FBXO34: variants seen among roughly 807,000 people sequenced by gnomAD.
The protein encoded by FBXO34 is F-box only protein 34.
A neutral mutation model predicts 24.5 loss-of-function variants in FBXO34; 12 were observed. That is an observed-to-expected ratio of 0.49 (90% confidence interval 0.31 to 0.79). The LOEUF (loss-of-function observed/expected upper bound fraction) is 0.79. Ranked by LOEUF, FBXO34 falls within the 30% of genes least tolerant of loss-of-function variation. The pLI is 0.04. For synonymous variants in FBXO34, 320 were observed against 311.9 expected, an observed-to-expected ratio of 1.03 and a Z score of -0.27; for missense variants, 823 against 857.7, an observed-to-expected ratio of 0.96 and a Z score of 0.51.
At chr14:55,411,964 G>A in the FBXO34 span, 1 of 746,172 alleles carries the variant, frequency 1.3e-6, no homozygotes. Flanking sequence ...TCCTGTCCCG[G>A]GCACTGTTGT....
At chr14:55,439,793 T>C in the FBXO34 span, among the ~76,000 whole-genome samples, 3 of 151,146 alleles carry the variant, frequency 2.0e-5, no homozygotes, top group Non-Finnish European at 4.4e-5. Context: ...TAGCCGGGCG[T>C]AGTGGCGGGC....
chr14:55,439,930 C>CAAAA, the FBXO34 span, among the ~76,000 whole-genome samples: 21 of 39,178 alleles, frequency 5.4e-4, no homozygotes, highest in Non-Finnish European at 7.1e-4. Context: ...GACTCTGTCT[C>CAAAA]AAAAAAAAAA....
At position 55,280,963 on chromosome 14, in the gene FBXO34, A is replaced by G. The variant is rs1433853935; in HGVS notation, c.-11+9426A>G. On this transcript the variant is annotated intron_variant, in intron 1 of 1. Transcript: ENST00000313833. ...TTACCATTTTCTAGTTAGCCACATTAAAAAAGGAAAAAGAAACAGGTGAAA... is the reference window on the plus strand; with the variant it reads ...TTACCATTTTCTAGTTAGCCACATTGAAAAAGGAAAAAGAAACAGGTGAAA... Among the ~76,000 whole-genome samples the G allele has an allele frequency of 8.8e-4, 134 of 152,182 alleles. 1 individual carries two copies. Among genetic ancestry groups the G allele is most frequent in the Admixed American group, 8.7e-3 (133 of 15,266 alleles).
chr14:55,425,346 C>G, the FBXO34 span, among the ~76,000 whole-genome samples: 1 of 152,094 alleles, frequency 6.6e-6, no homozygotes, highest in African/African-American at 2.4e-5. Context: ...AGATCCAGGC[C>G]AAGAAAATGA....
the FBXO34 span, among the ~76,000 whole-genome samples, chr14:55,402,837 T>G: frequency 0.49 from 62,151 of 126,430 alleles, 15,923 homozygotes; most frequent in African/African-American, 0.66. Context: ...GAGGCAGGAA[T>G]ATTATTTGAA....
chr14:55,315,885 C>T (rs1251983675), intron 1 of FBXO34, among the ~76,000 whole-genome samples: 1 of 152,190 alleles, frequency 6.6e-6, no homozygotes, highest in African/African-American at 2.4e-5. Flanking sequence ...TGCAATCTGG[C>T]AACTACTTTT....
At chr14:55,326,566 G>A (rs982109387) in intron 1 of FBXO34, among the ~76,000 whole-genome samples, 2 of 152,184 alleles carry the variant, frequency 1.3e-5, no homozygotes, top group Non-Finnish European at 2.9e-5. Context: ...CAAGATGTGA[G>A]ACTTGCTGTC....
intron 1 of FBXO34, among the ~76,000 whole-genome samples, chr14:55,314,002 A>G (rs1415168603): frequency 6.6e-6 from 1 of 152,156 alleles, no homozygotes; most frequent in Non-Finnish European, 1.5e-5. Flanking sequence ...TTCCTGGCTC[A>G]AAGTGATCCT....
At chr14:55,295,403 TTTTTTTTG>T (rs1882087002) in intron 1 of FBXO34, among the ~76,000 whole-genome samples, 1 of 145,360 alleles carries the variant, frequency 6.9e-6, no homozygotes, top group Non-Finnish European at 1.5e-5. Flanking sequence ...TTTTTTTTTT[TTTTTTTTG>T]GAGACAGAGT....
chr14:55,329,201 A>C (rs1883453489), intron 1 of FBXO34, among the ~76,000 whole-genome samples: 1 of 144,370 alleles, frequency 6.9e-6, no homozygotes, highest in South Asian at 2.2e-4. Context: ...CCCAGTCTTA[A>C]AATTGTTTCA....
chr14:55,300,145 G>GTT (rs138977844), intron 1 of FBXO34, among the ~76,000 whole-genome samples: 56,421 of 151,814 alleles, frequency 0.37, 11,042 homozygotes, highest in Non-Finnish European at 0.42. Context: ...AGATGTCATA[G>GTT]TTTTAGTAAT....
chr14:55,328,363 C>G (rs1489413502), intron 1 of FBXO34, among the ~76,000 whole-genome samples: 1 of 152,152 alleles, frequency 6.6e-6, no homozygotes, highest in Non-Finnish European at 1.5e-5. Context: ...ACTACTCTTG[C>G]GCTTTAGGGC....
In FBXO34 at chr14:55,307,339, C is replaced by T. The variant is rs1882586160; in HGVS notation, c.-11+35802C>T. On this transcript the variant is annotated intron_variant, in intron 1 of 1. Coordinates refer to ENST00000313833, the MANE Select transcript of FBXO34 (RefSeq NM_017943.4). ...TGTGTTTGCATATTTGTCACTGCAACTTTAAGCGGACCTCTTTGAATTCTT... is the reference window on the plus strand; with the variant it reads ...TGTGTTTGCATATTTGTCACTGCAATTTTAAGCGGACCTCTTTGAATTCTT... 3.3e-5 allele frequency among the ~76,000 whole-genome samples: 5 copies of T among 152,308 alleles called. No homozygotes were observed. In the South Asian group the frequency reaches 1.0e-3, roughly 32 times the overall value.
intron 1 of FBXO34, among the ~76,000 whole-genome samples, chr14:55,276,638 C>T (rs72715748): frequency 1.3e-5 from 2 of 151,446 alleles, no homozygotes; most frequent in Admixed American, 6.6e-5. Context: ...GTTGAGGAAG[C>T]GGGGGGGTCT....
chr14:55,370,036 C>T (rs1884779497), downstream of FBXO34: 1 of 1,009,090 alleles, frequency 9.9e-7, no homozygotes, highest in Non-Finnish European at 1.4e-6. Flanking sequence ...GCCGCACACC[C>T]CATTCATTCC....
chr14:55,414,558 C>T, the FBXO34 span: 199,173 of 804,748 alleles, frequency 0.25, 26,488 homozygotes, highest in South Asian at 0.27. Flanking sequence ...TTTAATATGA[C>T]ATCTCTTTAG....
downstream of FBXO34, chr14:55,368,599 TGAGCAAAGCTGTGTCCTCA>T (rs997626368): frequency 2.0e-5 from 3 of 152,260 alleles, no homozygotes; most frequent in Admixed American, 1.3e-4. Context: ...GCTGCATTTC[TGAGCAAAGCTGTGTCCTCA>T]GAGCAACAAA....
chr14:55,386,040 G>C, the FBXO34 span: 16 of 1,613,886 alleles, frequency 9.9e-6, no homozygotes, highest in African/African-American at 1.7e-4. Context: ...TGGTGCCGTT[G>C]TGCTCGACTG....
intron 1 of FBXO34, among the ~76,000 whole-genome samples, chr14:55,323,257 A>T: frequency 1.7e-5 from 2 of 116,394 alleles, no homozygotes; most frequent in East Asian, 2.8e-4. Context: ...TTAGAGACAG[A>T]GTCTCACTTA....
Sources: gnomAD v4.1 joint callset for allele counts (sites outside exome capture counted in the v4.1 genomes callset) on GRCh38, gnomAD v4.1.1 for gene constraint, MANE v1.5 for transcripts, NCBI Gene and HGNC (gene_info 2026-07-23, HGNC 2026-07-21) for gene names.